Variants in OR51E2 observed in about 807,000 individuals in gnomAD.
The protein encoded by OR51E2 is olfactory receptor family 51 subfamily E member 2, also known as olfactory receptor 51E2.
OR51E2 carries 14 observed loss-of-function variants against 13.7 expected under a neutral mutation model. That is an observed-to-expected ratio of 1.02 (90% confidence interval 0.68 to 1.60). The LOEUF is 1.60. Among genes scored for constraint, OR51E2 ranks in the 40% most tolerant of loss-of-function variants. OR51E2 has a pLI of 0.00. For synonymous variants in OR51E2, 180 were observed against 157.6 expected (o/e 1.14, Z -1.07); for missense variants, 483 against 413.8 (o/e 1.17, Z -1.45).
intron 1 of OR51E2, among the ~76,000 whole-genome samples, chr11:4,687,351 A>T (rs1426362548): frequency 6.6e-6 from 1 of 152,190 alleles, no homozygotes; most frequent in Non-Finnish European, 1.5e-5. Flanking sequence ...TCTTACCTAC[A>T]TTCATTCACT....
chr11:4,697,822 C>T lies in OR51E2; in HGVS notation c.-220G>A, dbSNP rs924057989. On this transcript the variant is annotated 5_prime_UTR_variant, in exon 1 of 2. In the 5' UTR this introduces an upstream ATG that the reference lacks. Coordinates refer to ENST00000396950, the MANE Select transcript of OR51E2 (RefSeq NM_030774.4). ...AATTCCTGGTGGTGGTGCTAACTCA[C>T]TGTGTCTTCAGGGTGTGGAGATTCC... is the stretch of plus-strand genomic sequence containing the variant. The T allele has an allele frequency of 5.2e-5, 8 of 152,392 alleles. No homozygotes were observed. The highest frequency in any genetic ancestry group is 1.0e-4 in the Non-Finnish European group (7 of 68,054). The allele number at this position is 152,392 out of a possible 1,614,324, so 9.4% of individuals were successfully genotyped here. A position where few individuals can be genotyped will look rare whatever the true frequency, so the allele number is the denominator to read the frequency against.
At position 4,695,728 on chromosome 11, in the gene OR51E2, C is replaced by T. The variant is rs539699268; in HGVS notation, c.-51+1925G>A. The stretch of plus-strand genomic sequence containing the variant: ...CTTTCAGCAATGTTTACCTCCTCCT[C>T]CTTGAAACTTTCTCCTTCATTAGCT... On this transcript the variant is annotated intron_variant, in intron 1 of 1. Coordinates refer to ENST00000396950, the MANE Select transcript of OR51E2 (RefSeq NM_030774.4). Among the ~76,000 whole-genome samples the T allele has an allele frequency of 3.0e-4, 45 of 152,194 alleles. No homozygotes were observed. The South Asian group carries it at 9.3e-3, about 32-fold the overall frequency.
chr11:4,690,055 A>AATATAAATTAT (rs1187621197), intron 1 of OR51E2, among the ~76,000 whole-genome samples: 1 of 148,058 alleles, frequency 6.8e-6, no homozygotes, highest in Non-Finnish European at 1.5e-5. Flanking sequence ...AATTTTTACA[A>AATATAAATTAT]ATATAAATTA....
rs568876881 is a variant in OR51E2, at chr11:4,696,599, A to G, written c.-51+1054T>C. On this transcript the variant is annotated intron_variant, in intron 1 of 1. Coordinates refer to ENST00000396950, the MANE Select transcript of OR51E2 (RefSeq NM_030774.4). ...CAAGACAAGAGGGGGACTAATGAATATCCTTAGAAGGAGGCACTAAATTTC... is the reference window on the plus strand; with the variant it reads ...CAAGACAAGAGGGGGACTAATGAATGTCCTTAGAAGGAGGCACTAAATTTC... Among the ~76,000 whole-genome samples, 31 of 152,296 alleles carry G rather than the reference A, an allele frequency of 2.0e-4. No individual in the cohort carries two copies. In the South Asian group the frequency reaches 6.4e-3, roughly 32 times the overall value.
chr11:4,688,043 T>G (rs745991400), intron 1 of OR51E2, among the ~76,000 whole-genome samples: 6 of 152,152 alleles, frequency 3.9e-5, no homozygotes, highest in Non-Finnish European at 8.8e-5. Context: ...ATTTTACTAT[T>G]TTTACTATGT....
At chr11:4,684,595 G>T (rs993144447) in intron 1 of OR51E2, among the ~76,000 whole-genome samples, 1 of 152,264 alleles carries the variant, frequency 6.6e-6, no homozygotes, top group African/African-American at 2.4e-5. Flanking sequence ...TTTTGCCCAT[G>T]CTACCACATG....
intron 1 of OR51E2, among the ~76,000 whole-genome samples, chr11:4,696,445 C>T (rs1179596522): frequency 1.3e-5 from 2 of 152,080 alleles, no homozygotes; most frequent in Admixed American, 1.3e-4. Context: ...GATTCTACTC[C>T]TGAAATGTAA....
rs541463196 is a variant in OR51E2, at chr11:4,694,520, A to G, written c.-51+3133T>C. 1.6e-4 allele frequency among the ~76,000 whole-genome samples: 23 copies of G among 144,166 alleles called. No individual in the cohort carries two copies. The East Asian group carries it at 3.9e-3, about 25-fold the overall frequency. The allele number at this position is 144,166 out of a possible 152,430, so 94.6% of individuals were successfully genotyped here. On this transcript the variant is annotated intron_variant, in intron 1 of 1. Coordinates refer to ENST00000396950, the MANE Select transcript of OR51E2 (RefSeq NM_030774.4). ...TATATATACACACACATATATATAT[A>G]TACACACACACATATATACGTATAT...
chr11:4,686,725 C>G (rs547868512), intron 1 of OR51E2, among the ~76,000 whole-genome samples: 1 of 152,148 alleles, frequency 6.6e-6, no homozygotes, highest in Admixed American at 6.5e-5. Context: ...CTACCATGTT[C>G]ACGTAGCTAC....
At chr11:4,692,677 A>G in intron 1 of OR51E2, among the ~76,000 whole-genome samples, 1 of 152,180 alleles carries the variant, frequency 6.6e-6, no homozygotes, top group Admixed American at 6.5e-5. Flanking sequence ...AGAGGGCTCA[A>G]TCAATGAGAG....
intron 1 of OR51E2, among the ~76,000 whole-genome samples, chr11:4,693,366 A>G (rs1482518684): frequency 1.3e-5 from 2 of 152,218 alleles, no homozygotes; most frequent in Non-Finnish European, 2.9e-5. Context: ...TGCTTGAAAG[A>G]TTTCTGTGTT....
Position 4,688,742 on chromosome 11 carries a change from G to C in OR51E2, c.-50-5981C>G, listed in dbSNP as rs1072893. 5.4e-3 allele frequency among the ~76,000 whole-genome samples: 821 copies of C among 152,268 alleles called. 31 individuals are homozygous for C. Among genetic ancestry groups the C allele is most frequent in the Admixed American group, 0.049 (756 of 15,280 alleles). ...CTTGCATCACAGTGGTAGCAGTAGA[G>C]ATGGTATAAATTGACTTGATTTTAG... On this transcript the variant is annotated intron_variant, in intron 1 of 1. Transcript: ENST00000396950.
In OR51E2 at chr11:4,682,617, G is replaced by A. The variant is rs761879587; in HGVS notation, c.95C>T (p.Ser32Phe). 6.2e-7 allele frequency: 1 copy of A among 1,614,202 alleles called. No homozygotes were observed. Among genetic ancestry groups the A allele is most frequent in the South Asian group, 1.1e-5 (1 of 91,078 alleles). Residue 32 changes from serine (S) to phenylalanine (F), a missense_variant, in exon 2 of 2, where the codon TCC becomes TTC. Physicochemically the swap from Ser to Phe is radical, Grantham distance 155. Transcript: ENST00000396950. The part of the protein sequence containing the change: ...AHFWVGFPLL[S>F]MYVVAMFGNC... Reference sequence around the variant, plus strand: ...TCCAAACATTGCCACTACATACATGGAAAGGAGGGGGAAGCCAACCCAGAA... The same window carrying A: ...TCCAAACATTGCCACTACATACATGAAAAGGAGGGGGAAGCCAACCCAGAA...
chr11:4,693,478 T>A (rs903659464), intron 1 of OR51E2, among the ~76,000 whole-genome samples: 4 of 152,134 alleles, frequency 2.6e-5, no homozygotes, highest in Admixed American at 2.6e-4. Context: ...TCCCAGCACT[T>A]TGGGAGGCCG....
chr11:4,684,891 C>T (rs190885967), intron 1 of OR51E2, among the ~76,000 whole-genome samples: 10 of 152,240 alleles, frequency 6.6e-5, no homozygotes, highest in Middle Eastern at 3.4e-3. Context: ...ACTTGCCTTT[C>T]CTGATTGTTA....
chr11:4,691,639 G>T, intron 1 of OR51E2: 1 of 434,972 alleles, frequency 2.3e-6, no homozygotes, highest in Non-Finnish European at 4.6e-6. Flanking sequence ...AAGGCTTCCA[G>T]CCCAGGAACA....
At chr11:4,694,392 T>C (rs1847627105) in intron 1 of OR51E2, among the ~76,000 whole-genome samples, 1 of 151,862 alleles carries the variant, frequency 6.6e-6, no homozygotes, top group Non-Finnish European at 1.5e-5. Flanking sequence ...GAGGGTACCT[T>C]ATTCTTTTTC....
intron 1 of OR51E2, among the ~76,000 whole-genome samples, chr11:4,683,714 C>T (rs992595431): frequency 1.3e-5 from 2 of 152,216 alleles, no homozygotes; most frequent in Non-Finnish European, 2.9e-5. Flanking sequence ...ACAAGTCATT[C>T]ATCTCAGGGG....
chr11:4,693,403 C>A (rs1847610365), intron 1 of OR51E2, among the ~76,000 whole-genome samples: 2 of 152,134 alleles, frequency 1.3e-5, no homozygotes, highest in South Asian at 4.1e-4. Context: ...GAAGAATTCC[C>A]AGGCTTTCAG....
Sources: gnomAD v4.1 joint callset for allele counts (sites outside exome capture counted in the v4.1 genomes callset) on GRCh38, gnomAD v4.1.1 for gene constraint, MANE v1.5 for transcripts, NCBI Gene and HGNC (gene_info 2026-07-23, HGNC 2026-07-21) for gene names.